The following C2orf76 variants were observed in gnomAD, a reference collection of about 807,000 sequenced individuals.
C2orf76 encodes the protein UPF0538 protein C2orf76.
A neutral mutation model predicts 16.9 loss-of-function variants in C2orf76; 23 were observed. The observed-to-expected ratio is 1.36, with a 90% CI of 0.98 to 1.93. The LOEUF (loss-of-function observed/expected upper bound fraction) is 1.93. Among genes scored for constraint, C2orf76 ranks in the 30% most tolerant of loss-of-function variants. The probability of loss-of-function intolerance (pLI) is 0.00; values close to 1 mark genes in which losing one functional copy is unlikely to be tolerated. For synonymous variants in C2orf76, 48 were observed against 52.3 expected (o/e 0.92, Z 0.35); for missense variants, 152 against 152.6 (o/e 1.00, Z 0.02).
At chr2:119,305,478 G>A (rs1016604270) in intron 5 of C2orf76, among the ~76,000 whole-genome samples, 2 of 152,196 alleles carry the variant, frequency 1.3e-5, no homozygotes, top group African/African-American at 4.8e-5. Context: ...ATATGTCTGA[G>A]TCCCTAGCCT....
intron 2 of C2orf76, among the ~76,000 whole-genome samples, chr2:119,328,198 A>G (rs186505552): frequency 9.5e-4 from 144 of 152,232 alleles, no homozygotes; most frequent in African/African-American, 3.3e-3. Flanking sequence ...TAGAATTGAG[A>G]TTATTTCTTT....
At chr2:119,292,388 G>A in the C2orf76 span, among the ~76,000 whole-genome samples, 63 of 152,242 alleles carry the variant, frequency 4.1e-4, no homozygotes, top group Admixed American at 3.5e-3. Context: ...TGGTAAAAAA[G>A]CCCTCACAGG....
intron 1 of C2orf76, among the ~76,000 whole-genome samples, chr2:119,351,986 T>C (rs941340895): frequency 6.6e-6 from 1 of 152,226 alleles, no homozygotes; most frequent in Non-Finnish European, 1.5e-5. Flanking sequence ...ATATATGCCT[T>C]ATGGTATTCG....
chr2:119,289,410 G>A, the C2orf76 span, among the ~76,000 whole-genome samples: 31,433 of 151,932 alleles, frequency 0.21, 3,594 homozygotes, highest in Middle Eastern at 0.32. Flanking sequence ...CAGGGTGGCC[G>A]GGCGCAGTGG....
chr2:119,364,756 A>G (rs1307011211), intron 1 of C2orf76, among the ~76,000 whole-genome samples: 2 of 152,160 alleles, frequency 1.3e-5, no homozygotes, highest in Non-Finnish European at 2.9e-5. Context: ...AGAGCTGAGG[A>G]TCTTGCATTC....
At chr2:119,289,265 C>CTCTG in the C2orf76 span, among the ~76,000 whole-genome samples, 1 of 152,192 alleles carries the variant, frequency 6.6e-6, no homozygotes, top group East Asian at 1.9e-4. Flanking sequence ...ACATACTGTA[C>CTCTG]TCTGCCTCAA....
intron 2 of C2orf76, among the ~76,000 whole-genome samples, chr2:119,335,099 A>G (rs971398310): frequency 6.6e-6 from 1 of 152,232 alleles, no homozygotes; most frequent in African/African-American, 2.4e-5. Flanking sequence ...TGGAAAGATC[A>G]GTAAGAACTC....
intron 1 of C2orf76, among the ~76,000 whole-genome samples, chr2:119,363,039 C>T (rs576377639): frequency 2.6e-5 from 4 of 151,738 alleles, no homozygotes; most frequent in Admixed American, 6.6e-5. Context: ...CCCCCACCAA[C>T]TCTCACCTCC....
intron 5 of C2orf76, among the ~76,000 whole-genome samples, chr2:119,306,393 A>T (rs1324123223): frequency 6.6e-6 from 1 of 152,178 alleles, no homozygotes; most frequent in African/African-American, 2.4e-5. Context: ...CGCAAAATGA[A>T]AACGAACCAC....
the C2orf76 span, among the ~76,000 whole-genome samples, chr2:119,294,797 A>C: frequency 1.3e-5 from 2 of 152,160 alleles, no homozygotes; most frequent in African/African-American, 4.8e-5. Context: ...CCACCCCACC[A>C]CGCGCAGTAC....
At position 119,343,514 on chromosome 2, in the gene C2orf76, ACT is replaced by A. The variant is rs1427640781; in HGVS notation, c.-12-3545_-12-3544del. ...CACACACACACACACACACACACACACTGGGAAGCGCTGGAATGCAGCCCAGT... is the reference window on the plus strand; with the variant it reads ...CACACACACACACACACACACACACAGGGAAGCGCTGGAATGCAGCCCAGT... On this transcript the variant is annotated intron_variant, in intron 1 of 5. Transcript: ENST00000334816. Among the ~76,000 whole-genome samples, 325 of 148,310 alleles carry A rather than the reference ACT, an allele frequency of 2.2e-3. 4 individuals carry two copies. The highest frequency in any genetic ancestry group is 7.7e-3 in the African/African-American group (309 of 40,234).
At chr2:119,334,258 G>A (rs1679767097) in intron 2 of C2orf76, among the ~76,000 whole-genome samples, 2 of 151,762 alleles carry the variant, frequency 1.3e-5, no homozygotes, top group Non-Finnish European at 2.9e-5. Context: ...AAGCACAGCG[G>A]ATATTTTAGG....
intron 1 of C2orf76, among the ~76,000 whole-genome samples, chr2:119,346,613 T>C (rs2104619413): frequency 6.6e-6 from 1 of 152,270 alleles, no homozygotes; most frequent in Middle Eastern, 3.4e-3. Flanking sequence ...AAGAATGCAT[T>C]AGGGTGTTGC....
At chr2:119,305,515 G>GT (rs1291489335) in intron 5 of C2orf76, among the ~76,000 whole-genome samples, 1 of 152,172 alleles carries the variant, frequency 6.6e-6, no homozygotes, top group African/African-American at 2.4e-5. Context: ...AACGTAGTAT[G>GT]AGGCACAGCC....
intron 5 of C2orf76, among the ~76,000 whole-genome samples, chr2:119,303,485 T>C (rs936327368): frequency 3.9e-5 from 6 of 152,174 alleles, no homozygotes; most frequent in Non-Finnish European, 7.3e-5. Flanking sequence ...TTATTCGTAA[T>C]GCATACTGAG....
chr2:119,299,429 G>C (rs1050223495), downstream of C2orf76, among the ~76,000 whole-genome samples: 2 of 152,180 alleles, frequency 1.3e-5, no homozygotes, highest in African/African-American at 4.8e-5. Context: ...TATATTGAGA[G>C]ATTTTCTAAT....
chr2:119,314,014 G>GTTTTTT lies in C2orf76; in HGVS notation c.223-2317_223-2312dup, dbSNP rs368623211. Among the ~76,000 whole-genome samples, 405 of 86,126 alleles carry GTTTTTT rather than the reference G, an allele frequency of 4.7e-3. 21 individuals are homozygous for GTTTTTT. Among genetic ancestry groups the GTTTTTT allele is most frequent in the African/African-American group, 0.011 (227 of 20,016 alleles). The allele number at this position is 86,126 out of a possible 152,430, so 56.5% of individuals were successfully genotyped here. A position where few individuals can be genotyped will look rare whatever the true frequency, so the allele number is the denominator to read the frequency against. On this transcript the variant is annotated intron_variant, in intron 4 of 5. Coordinates refer to ENST00000334816, the MANE Select transcript of C2orf76 (RefSeq NM_001322331.2). ...CATTTGTTCCTTGCTTTTCTCAGTGGTTTTTTTTTTTTTTTTTTTTTTTAC... is the reference window on the plus strand; with the variant it reads ...CATTTGTTCCTTGCTTTTCTCAGTGGTTTTTTTTTTTTTTTTTTTTTTTTTTTTTAC...
chr2:119,293,597 G>A, the C2orf76 span, among the ~76,000 whole-genome samples: 1 of 152,208 alleles, frequency 6.6e-6, no homozygotes, highest in Non-Finnish European at 1.5e-5. Context: ...TGGGGTAGAA[G>A]TGAGAGAGAA....
At chr2:119,336,884 A>G (rs1177972131) in intron 2 of C2orf76, among the ~76,000 whole-genome samples, 1 of 152,066 alleles carries the variant, frequency 6.6e-6, no homozygotes, top group Non-Finnish European at 1.5e-5. Flanking sequence ...GAGTCCATCC[A>G]TTTATTTCAG....
Sources: gnomAD v4.1 joint callset for allele counts (sites outside exome capture counted in the v4.1 genomes callset) on GRCh38, gnomAD v4.1.1 for gene constraint, MANE v1.5 for transcripts, NCBI Gene and HGNC (gene_info 2026-07-23, HGNC 2026-07-21) for gene names.